The following TTC17 variants were observed in gnomAD, a reference collection of about 807,000 sequenced individuals.
TTC17 encodes tetratricopeptide repeat protein 17.
A neutral mutation model predicts 143.8 loss-of-function variants in TTC17; 58 were observed. That is an observed-to-expected ratio of 0.40 (90% CI 0.33 to 0.50). The LOEUF is 0.50. TTC17 is among the 20% of genes least tolerant of loss of function. The pLI, the probability that TTC17 is intolerant of heterozygous loss-of-function variation, is 0.49. For missense variants in TTC17, 1,273 were observed against 1,392.5 expected (o/e 0.91, Z 1.37); for synonymous variants, 501 against 497.8 (o/e 1.01, Z -0.09).
intron 21 of TTC17, among the ~76,000 whole-genome samples, chr11:43,484,250 T>G (rs1380695999): frequency 6.6e-6 from 1 of 152,220 alleles, no homozygotes; most frequent in Non-Finnish European, 1.5e-5. Flanking sequence ...ACTCCACAGT[T>G]TTTTAGAAAT....
intron 5 of TTC17, among the ~76,000 whole-genome samples, chr11:43,395,107 T>C (rs1857529635): frequency 6.6e-6 from 1 of 150,548 alleles, no homozygotes; most frequent in African/African-American, 2.4e-5. Flanking sequence ...AACTTTTTTT[T>C]TTTTTTTTTT....
At chr11:43,450,886 T>A (rs1354824047) in intron 20 of TTC17, among the ~76,000 whole-genome samples, 1 of 152,202 alleles carries the variant, frequency 6.6e-6, no homozygotes, top group African/African-American at 2.4e-5. Flanking sequence ...TCTATATGTC[T>A]TTACATGTCT....
intron 21 of TTC17, among the ~76,000 whole-genome samples, chr11:43,462,237 T>C (rs1202157928): frequency 2.6e-5 from 4 of 152,160 alleles, no homozygotes; most frequent in South Asian, 2.1e-4. Flanking sequence ...TACAAAGATA[T>C]CCACGTTCTA....
intron 16 of TTC17, among the ~76,000 whole-genome samples, chr11:43,421,154 G>A (rs930835060): frequency 6.6e-6 from 1 of 152,078 alleles, no homozygotes; most frequent in African/African-American, 2.4e-5. Context: ...AGTGCTCAAG[G>A]GGTTGGGGTC....
At chr11:43,375,419 A>G (rs1245545794) in intron 1 of TTC17, among the ~76,000 whole-genome samples, 1 of 152,190 alleles carries the variant, frequency 6.6e-6, no homozygotes, top group Non-Finnish European at 1.5e-5. Context: ...AATCTTGGCG[A>G]CTTTGAAGAT....
In TTC17 at chr11:43,494,899, T is replaced by G. The variant is rs971731253; in HGVS notation, c.*995T>G. On this transcript the variant is annotated 3_prime_UTR_variant, in exon 24 of 24. Coordinates refer to ENST00000039989, the MANE Select transcript of TTC17 (RefSeq NM_018259.6). ...TTTTGGAATCTTCAAGGGCACATAC[T>G]GAGAAAAAAAATAAAATTGTTTATG... 2.6e-5 allele frequency: 4 copies of G among 152,126 alleles called. No individual in the cohort carries two copies. Among genetic ancestry groups the G allele is most frequent in the Non-Finnish European group, 5.9e-5 (4 of 68,020 alleles). The allele number at this position is 152,126 out of a possible 1,614,324, so 9.4% of individuals were successfully genotyped here.
intron 21 of TTC17, among the ~76,000 whole-genome samples, chr11:43,488,663 A>G (rs1403211096): frequency 6.6e-6 from 1 of 152,152 alleles, no homozygotes; most frequent in Non-Finnish European, 1.5e-5. Context: ...ATGAAATTAT[A>G]AAAATTCTGT....
At chr11:43,379,049 G>A in intron 1 of TTC17, 184 bp from the exon 2 acceptor site, 1 of 583,166 alleles carries the variant, frequency 1.7e-6, no homozygotes, top group Non-Finnish European at 3.0e-6. Flanking sequence ...GACAACTGTT[G>A]CACTTGTCAT....
At chr11:43,381,514 A>G (rs1373030297) in intron 2 of TTC17, among the ~76,000 whole-genome samples, 1 of 152,164 alleles carries the variant, frequency 6.6e-6, no homozygotes, top group African/African-American at 2.4e-5. Context: ...CTGCTCCTAG[A>G]AAGAGCCTGG....
chr11:43,421,819 G>A (rs1946912136), intron 16 of TTC17, among the ~76,000 whole-genome samples: 2 of 150,600 alleles, frequency 1.3e-5, no homozygotes, highest in Admixed American at 6.6e-5. Flanking sequence ...TAATGTGCTC[G>A]AATTATGCCA....
intron 21 of TTC17, among the ~76,000 whole-genome samples, chr11:43,462,695 G>C (rs888722779): frequency 6.6e-6 from 1 of 152,216 alleles, no homozygotes; most frequent in East Asian, 1.9e-4. Context: ...AATTCACAAG[G>C]TAGGTATGTT....
intron 21 of TTC17, among the ~76,000 whole-genome samples, chr11:43,481,539 A>G (rs557677779): frequency 6.6e-6 from 1 of 152,302 alleles, no homozygotes; most frequent in Non-Finnish European, 1.5e-5. Flanking sequence ...TTTTAATTAT[A>G]GCTCTAATAT....
Position 43,444,115 on chromosome 11 carries a change from G to C in TTC17, c.2571G>C (p.Gly857=), listed in dbSNP as rs377088555. The C allele has an allele frequency of 1.8e-4, 288 of 1,612,954 alleles. No homozygotes were observed. The highest frequency in any genetic ancestry group is 2.3e-4 in the Non-Finnish European group (274 of 1,179,554). Residue 857 remains glycine (G), a synonymous_variant, in exon 18 of 24, where the codon GGG becomes GGC. Coordinates refer to ENST00000039989, the MANE Select transcript of TTC17 (RefSeq NM_018259.6). ...AAGGAGATCATAAGAAAACTCCTGG[G>C]AAAAAAGTAGAAACAGGTCAGATAG... ...KPKGDHKKTP[G]KKVETGQIEN...
intron 16 of TTC17, among the ~76,000 whole-genome samples, chr11:43,418,159 GTAT>G (rs1202618900): frequency 6.6e-6 from 1 of 152,108 alleles, no homozygotes; most frequent in East Asian, 1.9e-4. Context: ...GATTAATGAA[GTAT>G]TATTTATCTG....
intron 21 of TTC17, among the ~76,000 whole-genome samples, chr11:43,486,996 C>T (rs1271152881): frequency 6.6e-6 from 1 of 152,082 alleles, no homozygotes; most frequent in African/African-American, 2.4e-5. Flanking sequence ...CTACAGTGAG[C>T]TATGATCACA....
In TTC17 at chr11:43,399,870, G is replaced by T. The variant is rs752041611; in HGVS notation, c.1059-18G>T. ...ATTTTATAGCTCTAACTTTTTCCTG[G>T]TATTAAAAAATGTTAAGATCTCTCC... On this transcript the variant is annotated intron_variant, in intron 8 of 23. Transcript: ENST00000039989. The T allele has an allele frequency of 2.5e-6, 4 of 1,574,228 alleles. No homozygotes were observed. The Admixed American group carries it at 5.9e-5, about 23-fold the overall frequency.
At chr11:43,464,316 A>G (rs72900974) in intron 21 of TTC17, among the ~76,000 whole-genome samples, 5,831 of 152,096 alleles carry the variant, frequency 0.038, 143 homozygotes, top group Middle Eastern at 0.071. Context: ...TCCTTCTACT[A>G]CACACCAAGA....
At chr11:43,478,028 C>CTCT (rs1486083946) in intron 21 of TTC17, among the ~76,000 whole-genome samples, 2 of 152,164 alleles carry the variant, frequency 1.3e-5, no homozygotes, top group African/African-American at 4.8e-5. Flanking sequence ...TTTTGTCCCA[C>CTCT]TCTTCCCCCA....
chr11:43,371,023 TGGG>T (rs11332875), intron 1 of TTC17, among the ~76,000 whole-genome samples: 13 of 108,656 alleles, frequency 1.2e-4, no homozygotes, highest in South Asian at 7.2e-4. Flanking sequence ...GGAGGGGAGG[TGGG>T]GGGGGGGGTC....
Sources: gnomAD v4.1 joint callset for allele counts (sites outside exome capture counted in the v4.1 genomes callset) on GRCh38, gnomAD v4.1.1 for gene constraint, MANE v1.5 for transcripts, NCBI Gene and HGNC (gene_info 2026-07-23, HGNC 2026-07-21) for gene names.